The following SIK3 variants were observed in gnomAD, a reference collection of about 807,000 sequenced individuals.
SIK3 encodes serine/threonine-protein kinase SIK3.
A neutral mutation model predicts 144.2 loss-of-function variants in SIK3; 28 were observed. That is an observed-to-expected ratio of 0.19 (90% CI 0.14 to 0.27). SIK3 has a LOEUF of 0.27. Among genes scored for constraint, SIK3 ranks in the 10% least tolerant of loss-of-function variants. The pLI is 1.00. For missense variants in SIK3, 1,319 were observed against 1,776.0 expected, an observed-to-expected ratio of 0.74 and a Z score of 4.62; for synonymous variants, 686 against 676.3, an observed-to-expected ratio of 1.01 and a Z score of -0.22.
At chr11:116,973,771 C>A (rs548953789) in intron 1 of SIK3, among the ~76,000 whole-genome samples, 1 of 152,230 alleles carries the variant, frequency 6.6e-6, no homozygotes, top group South Asian at 2.1e-4. Context: ...AAACCTATAA[C>A]CCCAATCTAA....
At chr11:116,990,565 A>G (rs1950469590) in intron 1 of SIK3, among the ~76,000 whole-genome samples, 1 of 152,168 alleles carries the variant, frequency 6.6e-6, no homozygotes. Flanking sequence ...AAAAGAAAAC[A>G]TTAATAGGCC....
chr11:116,910,311 A>T (rs568358811), intron 4 of SIK3, among the ~76,000 whole-genome samples: 2 of 152,298 alleles, frequency 1.3e-5, no homozygotes, highest in African/African-American at 4.8e-5. Flanking sequence ...AAACATAGCC[A>T]GAAAAGAAGA....
chr11:116,920,089 C>T (rs1211331677), intron 4 of SIK3, among the ~76,000 whole-genome samples: 1 of 151,668 alleles, frequency 6.6e-6, no homozygotes, highest in Non-Finnish European at 1.5e-5. Flanking sequence ...CTAATATAAA[C>T]ATCTACTGCT....
At chr11:116,902,554 C>T (rs1945794297) in intron 4 of SIK3, among the ~76,000 whole-genome samples, 1 of 152,228 alleles carries the variant, frequency 6.6e-6, no homozygotes, top group South Asian at 2.1e-4. Context: ...GAAGCACCTG[C>T]TTCCACTATG....
At chr11:116,908,213 C>T (rs576679866) in intron 4 of SIK3, among the ~76,000 whole-genome samples, 1 of 152,302 alleles carries the variant, frequency 6.6e-6, no homozygotes, top group South Asian at 2.1e-4. Context: ...TGGTGGCTTA[C>T]TCCTGTAATC....
chr11:117,025,569 CA>C (rs111860754), intron 1 of SIK3, among the ~76,000 whole-genome samples: 24,148 of 151,944 alleles, frequency 0.16, 2,024 homozygotes, highest in Admixed American at 0.21. Flanking sequence ...GCTGAGACCA[CA>C]GGCATGTTTC....
intron 1 of SIK3, among the ~76,000 whole-genome samples, chr11:117,017,402 T>C (rs1357362378): frequency 2.0e-5 from 3 of 152,274 alleles, no homozygotes; most frequent in African/African-American, 7.2e-5. Context: ...GGAGTATTTA[T>C]AACAGCTCAT....
chr11:117,047,926 T>TA, intron 1 of SIK3, among the ~76,000 whole-genome samples: 1 of 152,320 alleles, frequency 6.6e-6, no homozygotes, highest in East Asian at 1.9e-4. Context: ...ATGGTGAATG[T>TA]AAAACACTGA....
chr11:116,925,329 TC>T (rs1044621122), intron 4 of SIK3, among the ~76,000 whole-genome samples: 35 of 151,924 alleles, frequency 2.3e-4, no homozygotes, highest in African/African-American at 8.5e-4. Flanking sequence ...ATGACAAAGG[TC>T]CTTGCAAGAG....
At chr11:116,917,201 C>T (rs1229773535) in intron 4 of SIK3, among the ~76,000 whole-genome samples, 8 of 152,054 alleles carry the variant, frequency 5.3e-5, no homozygotes, top group Non-Finnish European at 1.2e-4. Flanking sequence ...TTAGTCCCTT[C>T]CCAACATCAA....
chr11:116,935,531 C>G (rs1176480407), intron 3 of SIK3, among the ~76,000 whole-genome samples: 3 of 152,072 alleles, frequency 2.0e-5, no homozygotes, highest in Admixed American at 6.5e-5. Context: ...AAAAGTATTT[C>G]TAGACTAAGC....
intron 3 of SIK3, 44 bp from the exon 4 acceptor site, chr11:116,927,424 G>C (rs753778344): frequency 3.1e-6 from 5 of 1,588,294 alleles, no homozygotes; most frequent in African/African-American, 2.7e-5. Flanking sequence ...TTGGACACTT[G>C]TGTAATTTCA....
intron 1 of SIK3, among the ~76,000 whole-genome samples, chr11:116,999,922 A>G (rs1950792675): frequency 1.3e-5 from 2 of 152,354 alleles, no homozygotes; most frequent in South Asian, 4.1e-4. Context: ...CATTGAAATC[A>G]TGCCTACCTA....
Position 116,858,247 on chromosome 11 carries a change from C to T in SIK3, c.3218G>A (p.Gly1073Glu). ...GCTGGGAGCCAGACTCCCCGCATCCCCTTGGTTCATGTGCCTGAACAGTTC... is the reference window on the plus strand; with the variant it reads ...GCTGGGAGCCAGACTCCCCGCATCCTCTTGGTTCATGTGCCTGAACAGTTC... ...YQELFRHMNQ[G>E]DAGSLAPSLG... The change falls in exon 21 of 25, where the codon GGG becomes GAG. Residue 1073 changes from glycine to glutamate, a missense_variant. Physicochemically the swap from Gly to Glu is moderately conservative, Grantham distance 98. Around this residue, in one of 8 missense-constraint regions of SIK3, gnomAD observed 646 missense variants for 763.7 expected, o/e 0.85. Coordinates refer to ENST00000445177, the MANE Select transcript of SIK3 (RefSeq NM_001366686.3). This position sits in a 1 kb window ranked among gnomAD's most constrained non-coding sequence, Gnocchi z 5.4. 1 of 1,614,036 alleles carries T rather than the reference C, an allele frequency of 6.2e-7. No homozygotes were observed. Among genetic ancestry groups the T allele is most frequent in the Non-Finnish European group, 8.5e-7 (1 of 1,179,946 alleles).
intron 1 of SIK3, among the ~76,000 whole-genome samples, chr11:117,048,738 T>C (rs1039883161): frequency 7.2e-5 from 11 of 152,058 alleles, no homozygotes; most frequent in African/African-American, 1.7e-4. Flanking sequence ...ATGCGGTACA[T>C]ATCCAAGAAA....
chr11:116,870,513 A>C, intron 13 of SIK3, 112 bp from the exon 14 acceptor site: 7 of 1,388,262 alleles, frequency 5.0e-6, no homozygotes, highest in Non-Finnish European at 7.0e-6. Flanking sequence ...TATTTACAGA[A>C]CTTTTCTAGA....
intron 1 of SIK3, among the ~76,000 whole-genome samples, chr11:116,976,131 G>A (rs1306377049): frequency 6.6e-6 from 1 of 152,148 alleles, no homozygotes; most frequent in Non-Finnish European, 1.5e-5. Flanking sequence ...TGTACGATTT[G>A]CAAACATTTT....
At chr11:116,856,114 G>A (rs769175842) in intron 21 of SIK3, among the ~76,000 whole-genome samples, 6 of 151,176 alleles carry the variant, frequency 4.0e-5, no homozygotes, top group African/African-American at 9.7e-5. Flanking sequence ...GGAGAATGGC[G>A]TGAGCATTGT....
At chr11:117,095,328 A>C (rs558015480) in intron 1 of SIK3, among the ~76,000 whole-genome samples, 18 of 152,248 alleles carry the variant, frequency 1.2e-4, no homozygotes, top group African/African-American at 4.3e-4. Flanking sequence ...ATATGGTTAT[A>C]AGAAAACCCA....
Sources: allele counts gnomAD v4.1 joint callset (sites outside exome capture counted in the v4.1 genomes callset), GRCh38; gene constraint gnomAD v4.1.1; regional missense constraint gnomAD v4.1.1; non-coding constraint Gnocchi (gnomAD v3.1); transcripts MANE v1.5; gene names NCBI Gene and HGNC (gene_info 2026-07-23, HGNC 2026-07-21).